Variants in FSTL4 observed in about 807,000 individuals in gnomAD.
The protein encoded by FSTL4 is follistatin-related protein 4.
In FSTL4, 28 loss-of-function variants were observed where a neutral mutation model predicts 78.2. The observed-to-expected ratio is 0.36, with a 90% confidence interval of 0.27 to 0.49. FSTL4 has a LOEUF of 0.49. Among genes scored for constraint, FSTL4 ranks in the 20% least tolerant of loss-of-function variants. FSTL4 has a pLI of 0.98. For missense variants in FSTL4, 922 were observed against 1,084.9 expected (o/e 0.85, Z 2.11); for synonymous variants, 422 against 440.5 (o/e 0.96, Z 0.53).
chr5:133,783,221 G>A, the FSTL4 span, among the ~76,000 whole-genome samples: 9 of 152,208 alleles, frequency 5.9e-5, no homozygotes, highest in East Asian at 3.9e-4. Context: ...CCTACTCTGC[G>A]TCAACCTCAA....
chr5:133,224,805 G>A (rs1323576038), intron 10 of FSTL4, among the ~76,000 whole-genome samples: 1 of 152,210 alleles, frequency 6.6e-6, no homozygotes, highest in Non-Finnish European at 1.5e-5. Flanking sequence ...CAGGTTCTGG[G>A]CCACTGTGGG....
chr5:133,306,721 C>T (rs1056762007), intron 6 of FSTL4, among the ~76,000 whole-genome samples: 1 of 152,288 alleles, frequency 6.6e-6, no homozygotes, highest in Admixed American at 6.5e-5. Context: ...TCTCCTTGCC[C>T]GATGTATTTC....
At chr5:133,299,986 C>T (rs797004959) in intron 6 of FSTL4, among the ~76,000 whole-genome samples, 1 of 152,204 alleles carries the variant, frequency 6.6e-6, no homozygotes, top group African/African-American at 2.4e-5. Flanking sequence ...ACCTTCCTCA[C>T]AGCTGGCCCT....
the FSTL4 span, among the ~76,000 whole-genome samples, chr5:133,630,185 T>C: frequency 6.6e-6 from 1 of 152,268 alleles, no homozygotes; most frequent in Admixed American, 6.5e-5. Flanking sequence ...AGTATTCAAA[T>C]AGGAAGAGAG....
intron 2 of FSTL4, among the ~76,000 whole-genome samples, chr5:133,600,424 G>A (rs959155914): frequency 6.6e-6 from 1 of 151,386 alleles, no homozygotes; most frequent in Non-Finnish European, 1.5e-5. Flanking sequence ...AGGATAAAGG[G>A]GGGGGGGATA....
At chr5:133,740,150 C>T in the FSTL4 span, among the ~76,000 whole-genome samples, 1 of 152,216 alleles carries the variant, frequency 6.6e-6, no homozygotes, top group Middle Eastern at 3.4e-3. Flanking sequence ...TCCCAAAGTG[C>T]TGGGATTACA....
At chr5:133,400,350 G>T (rs1477153709) in intron 4 of FSTL4, among the ~76,000 whole-genome samples, 1 of 152,166 alleles carries the variant, frequency 6.6e-6, no homozygotes, top group African/African-American at 2.4e-5. Flanking sequence ...CACATTCTAT[G>T]CACAGCACAG....
intron 6 of FSTL4, among the ~76,000 whole-genome samples, chr5:133,307,257 G>T (rs1047750204): frequency 3.9e-5 from 6 of 152,182 alleles, no homozygotes; most frequent in Non-Finnish European, 7.3e-5. Context: ...CTTGGTGGAG[G>T]AAAGAGAAAT....
chr5:133,741,251 G>C, the FSTL4 span, among the ~76,000 whole-genome samples: 1 of 152,194 alleles, frequency 6.6e-6, no homozygotes, highest in Non-Finnish European at 1.5e-5. Flanking sequence ...GTGATTTACT[G>C]AGCAAATATT....
At chr5:133,592,016 G>A (rs770218732) in intron 2 of FSTL4, among the ~76,000 whole-genome samples, 6 of 152,000 alleles carry the variant, frequency 3.9e-5, no homozygotes, top group South Asian at 2.1e-4. Flanking sequence ...AATCTGTTCC[G>A]TTTTCCCCTC....
At chr5:133,343,625 AG>A (rs1010626276) in intron 4 of FSTL4, among the ~76,000 whole-genome samples, 1 of 152,222 alleles carries the variant, frequency 6.6e-6, no homozygotes, top group African/African-American at 2.4e-5. Context: ...AGTTTTTTAT[AG>A]CCGGGGGCTG....
chr5:133,502,669 A>G (rs10793819), intron 3 of FSTL4, among the ~76,000 whole-genome samples: 78,120 of 151,950 alleles, frequency 0.51, 20,463 homozygotes, highest in African/African-American at 0.59. Context: ...TCTTCCTCCC[A>G]CTCTGGCCAT....
intron 3 of FSTL4, among the ~76,000 whole-genome samples, chr5:133,421,717 T>C (rs568391736): frequency 6.6e-6 from 1 of 152,344 alleles, no homozygotes; most frequent in African/African-American, 2.4e-5. Context: ...TGACAGCCCA[T>C]AGGACACAAA....
the FSTL4 span, among the ~76,000 whole-genome samples, chr5:133,799,297 C>A: frequency 1.4e-5 from 2 of 138,130 alleles, 1 homozygote; most frequent in Admixed American, 1.5e-4. Flanking sequence ...CCCTGCAGAC[C>A]TTTCTGGTCT....
At chr5:133,257,753 C>T (rs1752417609) in intron 6 of FSTL4, among the ~76,000 whole-genome samples, 1 of 152,138 alleles carries the variant, frequency 6.6e-6, no homozygotes, top group Non-Finnish European at 1.5e-5. Flanking sequence ...CCAGCTCTTC[C>T]ACCTCCGCTG....
At chr5:133,244,172 C>T (rs1271578925) in intron 7 of FSTL4, 1 of 152,354 alleles carries the variant, frequency 6.6e-6, no homozygotes, top group Admixed American at 6.5e-5. Flanking sequence ...CCTGAGTCCC[C>T]AGGAGACAGG....
chr5:133,659,792 C>T, the FSTL4 span, among the ~76,000 whole-genome samples: 1 of 151,874 alleles, frequency 6.6e-6, no homozygotes, highest in Admixed American at 6.6e-5. Flanking sequence ...CTTAAGCTAT[C>T]AAGAACTGTT....
the FSTL4 span, among the ~76,000 whole-genome samples, chr5:133,748,004 G>A: frequency 1.3e-5 from 2 of 152,080 alleles, no homozygotes; most frequent in Non-Finnish European, 2.9e-5. Context: ...AGACCATCCT[G>A]GCCAACATGG....
the FSTL4 span, among the ~76,000 whole-genome samples, chr5:133,633,925 C>A: frequency 1.3e-5 from 2 of 152,236 alleles, no homozygotes; most frequent in East Asian, 3.9e-4. Context: ...TAGGCCTTCA[C>A]TGAAACCTCC....
Sources: allele counts gnomAD v4.1 joint callset (sites outside exome capture counted in the v4.1 genomes callset), GRCh38; gene constraint gnomAD v4.1.1; transcripts MANE v1.5; gene names NCBI Gene and HGNC (gene_info 2026-07-23, HGNC 2026-07-21).